HS3ST5: variants seen among roughly 807,000 people sequenced by gnomAD.
The protein encoded by HS3ST5 is heparan sulfate glucosamine 3-O-sulfotransferase 5.
Under a neutral mutation model 25.4 loss-of-function variants are expected in HS3ST5, and 10 were observed. That is an observed-to-expected ratio of 0.39 (90% CI 0.24 to 0.67). The LOEUF is 0.67. HS3ST5 is among the 30% of genes least tolerant of loss of function. The pLI is 0.44. For synonymous variants in HS3ST5, 170 were observed against 162.4 expected, an observed-to-expected ratio of 1.05 and a Z score of -0.36; for missense variants, 324 against 420.7, an observed-to-expected ratio of 0.77 and a Z score of 2.01.
intron 2 of HS3ST5, among the ~76,000 whole-genome samples, chr6:114,186,677 G>A (rs1348882916): frequency 6.6e-6 from 1 of 152,158 alleles, no homozygotes; most frequent in Non-Finnish European, 1.5e-5. Context: ...ATTAACGAAG[G>A]TAGCTATGCT....
intron 3 of HS3ST5, among the ~76,000 whole-genome samples, chr6:114,141,270 G>A (rs572199133): frequency 6.6e-6 from 1 of 152,316 alleles, no homozygotes; most frequent in Admixed American, 6.5e-5. Flanking sequence ...CATTGCCATG[G>A]ATGGCTAAAA....
At chr6:114,240,739 A>G (rs1187062091) in intron 1 of HS3ST5, among the ~76,000 whole-genome samples, 1 of 152,242 alleles carries the variant, frequency 6.6e-6, no homozygotes, top group African/African-American at 2.4e-5. Flanking sequence ...TTTCAGCAAT[A>G]TCTTGTGAAA....
chr6:114,234,702 C>CA (rs1771772212), intron 1 of HS3ST5, among the ~76,000 whole-genome samples: 1 of 152,118 alleles, frequency 6.6e-6, no homozygotes, highest in African/African-American at 2.4e-5. Context: ...GGGGAAAAAG[C>CA]AAATTTTCAT....
chr6:114,339,363 G>A (rs149588917), intron 1 of HS3ST5, among the ~76,000 whole-genome samples: 254 of 152,186 alleles, frequency 1.7e-3, no homozygotes, highest in African/African-American at 6.0e-3. Context: ...GACATGTCAA[G>A]AGCATCAAAT....
intron 3 of HS3ST5, among the ~76,000 whole-genome samples, chr6:114,152,641 A>T (rs1778512072): frequency 6.6e-6 from 1 of 152,152 alleles, no homozygotes; most frequent in African/African-American, 2.4e-5. Context: ...AGTCGAGGCT[A>T]AAGTGGATTT....
chr6:114,115,320 T>G (rs964847617), intron 3 of HS3ST5, among the ~76,000 whole-genome samples: 1 of 152,108 alleles, frequency 6.6e-6, no homozygotes, highest in Non-Finnish European at 1.5e-5. Flanking sequence ...AGTTGAATTT[T>G]GGGGAATAAG....
intron 1 of HS3ST5, among the ~76,000 whole-genome samples, chr6:114,236,861 A>G (rs1771881101): frequency 6.6e-6 from 1 of 152,218 alleles, no homozygotes; most frequent in Admixed American, 6.5e-5. Context: ...TGATAGGCTC[A>G]ATAGATATAA....
Position 114,202,250 on chromosome 6 carries a change from G to A in HS3ST5, c.-145+26335C>T, listed in dbSNP as rs531343927. ...GCCTGGGCAACACAGCCAAGACCTC[G>A]TCTCTATAAAAAATTTTTAAAAATC... is the stretch of plus-strand genomic sequence containing the variant. On this transcript the variant is annotated intron_variant, in intron 2 of 4. Coordinates refer to ENST00000312719, the MANE Select transcript of HS3ST5 (RefSeq NM_153612.4). Among the ~76,000 whole-genome samples the A allele has an allele frequency of 1.3e-3, 192 of 152,172 alleles. 1 individual carries two copies. The highest frequency in any genetic ancestry group is 2.9e-3 in the Admixed American group (44 of 15,290).
intron 2 of HS3ST5, among the ~76,000 whole-genome samples, chr6:114,186,016 G>A (rs1354259159): frequency 6.6e-6 from 1 of 151,896 alleles, no homozygotes; most frequent in African/African-American, 2.4e-5. Context: ...CTGATATAAG[G>A]CAGAGAACTT....
intron 3 of HS3ST5, among the ~76,000 whole-genome samples, chr6:114,066,021 C>T (rs1200922998): frequency 6.6e-6 from 1 of 152,214 alleles, no homozygotes; most frequent in Non-Finnish European, 1.5e-5. Flanking sequence ...GAAGGCTTCT[C>T]CAGCTTCCAG....
Sources: allele counts gnomAD v4.1 joint callset (sites outside exome capture counted in the v4.1 genomes callset), GRCh38; gene constraint gnomAD v4.1.1; transcripts MANE v1.5; gene names NCBI Gene and HGNC (gene_info 2026-07-23, HGNC 2026-07-21).